CD247: variants seen among roughly 807,000 people sequenced by gnomAD.
CD247 encodes CD247 molecule.
CD247 carries 13 observed loss-of-function variants against 30.0 expected under a neutral mutation model. The ratio of observed to expected loss-of-function variants is 0.43; its 90% CI spans 0.28 to 0.69. CD247 has a LOEUF of 0.69. Among genes scored for constraint, CD247 ranks in the 30% least tolerant of loss-of-function variants. The pLI, the probability that CD247 is intolerant of heterozygous loss-of-function variation, is 0.16. For missense variants in CD247, 193 were observed against 212.6 expected (o/e 0.91, Z 0.57); for synonymous variants, 72 against 80.0 (o/e 0.90, Z 0.53).
chr1:167,480,053 C>CAT (rs1256147240), intron 1 of CD247, among the ~76,000 whole-genome samples: 3 of 152,184 alleles, frequency 2.0e-5, no homozygotes, highest in Admixed American at 6.5e-5. Context: ...ATGGCCACTG[C>CAT]ATATGGTCTG....
chr1:167,440,529 C>G, intron 2 of CD247, 135 bp downstream of exon 2: 2 of 698,592 alleles, frequency 2.9e-6, no homozygotes, highest in Middle Eastern at 3.7e-4. Flanking sequence ...ACACACTTGG[C>G]TGGTCCTTGC....
intron 1 of CD247, among the ~76,000 whole-genome samples, chr1:167,509,656 T>A (rs746092254): frequency 6.6e-6 from 1 of 152,202 alleles, no homozygotes; most frequent in Non-Finnish European, 1.5e-5. Context: ...TGGGAACGCC[T>A]CACTCTAGGG....
rs34500066 is a variant in CD247 at position 167,434,311 on chromosome 1, A to G, written c.337-235T>C. 3,273 of 589,080 alleles carry G rather than the reference A, an allele frequency of 5.6e-3. 13 individuals carry two copies. Among genetic ancestry groups the G allele is most frequent in the Non-Finnish European group, 7.6e-3 (2,517 of 329,610 alleles). 36.5% of individuals were successfully genotyped at this position (589,080 alleles called of 1,614,324 possible). A position where few individuals can be genotyped will look rare whatever the true frequency, so the allele number is the denominator to read the frequency against. Reference sequence around the variant, plus strand: ...CTCCTCCGAGCTGCCAGCTCTTTGCACTGAGCTGAGGGGCTCAAGTTAGGC... The same window carrying G: ...CTCCTCCGAGCTGCCAGCTCTTTGCGCTGAGCTGAGGGGCTCAAGTTAGGC... On this transcript the variant is annotated intron_variant, in intron 5 of 7. Coordinates refer to ENST00000362089, the MANE Select transcript of CD247 (RefSeq NM_198053.3).
At chr1:167,487,200 A>G (rs1654248081) in intron 1 of CD247, among the ~76,000 whole-genome samples, 1 of 150,986 alleles carries the variant, frequency 6.6e-6, no homozygotes, top group Non-Finnish European at 1.5e-5. Flanking sequence ...AAGATGGTGC[A>G]ACCCCATCTC....
intron 1 of CD247, among the ~76,000 whole-genome samples, chr1:167,489,054 GT>G (rs1247134117): frequency 6.6e-5 from 10 of 151,978 alleles, no homozygotes; most frequent in Non-Finnish European, 1.5e-4. Context: ...CGAGAAGCAC[GT>G]AATGGATTTG....
intron 1 of CD247, among the ~76,000 whole-genome samples, chr1:167,496,865 G>A (rs1654709468): frequency 6.6e-6 from 1 of 152,196 alleles, no homozygotes; most frequent in Non-Finnish European, 1.5e-5. Context: ...ATCTCCATCA[G>A]AAGGAGATAG....
At chr1:167,447,124 T>C (rs1162356110) in intron 1 of CD247, among the ~76,000 whole-genome samples, 2 of 152,248 alleles carry the variant, frequency 1.3e-5, no homozygotes, top group African/African-American at 4.8e-5. Flanking sequence ...GCATGAAGCA[T>C]ACAGTTTAGA....
intron 1 of CD247, among the ~76,000 whole-genome samples, chr1:167,476,662 A>G (rs1653761027): frequency 6.6e-6 from 1 of 152,186 alleles, no homozygotes; most frequent in South Asian, 2.1e-4. Flanking sequence ...ATCTCTACAA[A>G]AAAATAGAAA....
At chr1:167,498,034 G>T (rs1240883410) in intron 1 of CD247, among the ~76,000 whole-genome samples, 1 of 152,202 alleles carries the variant, frequency 6.6e-6, no homozygotes, top group Non-Finnish European at 1.5e-5. Flanking sequence ...AGATCTTGCT[G>T]TAGATGGGTG....
At chr1:167,503,574 A>G (rs750959205) in intron 1 of CD247, among the ~76,000 whole-genome samples, 1 of 152,266 alleles carries the variant, frequency 6.6e-6, no homozygotes, top group East Asian at 1.9e-4. Flanking sequence ...CAGTGCACTT[A>G]AACTACTGTT....
At chr1:167,505,985 G>A (rs569790254) in intron 1 of CD247, among the ~76,000 whole-genome samples, 1 of 152,314 alleles carries the variant, frequency 6.6e-6, no homozygotes, top group Admixed American at 6.5e-5. Context: ...GGCAGCTAGA[G>A]CAAGAATCAA....
chr1:167,445,126 A>G (rs999460796), intron 1 of CD247, among the ~76,000 whole-genome samples: 9 of 152,086 alleles, frequency 5.9e-5, no homozygotes, highest in African/African-American at 2.2e-4. Context: ...GGGTTTTGCC[A>G]TGTTGGTCAG....
rs1351736538 is a variant in CD247 at position 167,431,640 on chromosome 1, G to A, written c.*41C>T. Reference sequence around the variant, plus strand: ...TCATCCTGTGTCTCATAATCTGGGCGTCTGCAGGTCTGGCCTTTGAGTGGT... The same window carrying A: ...TCATCCTGTGTCTCATAATCTGGGCATCTGCAGGTCTGGCCTTTGAGTGGT... On this transcript the variant is annotated 3_prime_UTR_variant, in exon 8 of 8. Coordinates refer to ENST00000362089, the MANE Select transcript of CD247 (RefSeq NM_198053.3). The A allele has an allele frequency of 1.3e-5, 19 of 1,511,844 alleles. No homozygotes were observed. Among genetic ancestry groups the A allele is most frequent in the African/African-American group, 2.7e-5 (2 of 73,002 alleles). The allele number at this position is 1,511,844 out of a possible 1,614,324, so 93.7% of individuals were successfully genotyped here.
At chr1:167,466,464 C>A (rs1427348078) in intron 1 of CD247, among the ~76,000 whole-genome samples, 1 of 151,658 alleles carries the variant, frequency 6.6e-6, no homozygotes, top group African/African-American at 2.4e-5. Context: ...GGGAAATTTC[C>A]ATTTTGAGAT....
chr1:167,469,093 A>G (rs565463347), intron 1 of CD247, among the ~76,000 whole-genome samples: 2 of 152,148 alleles, frequency 1.3e-5, no homozygotes, highest in Admixed American at 1.3e-4. Flanking sequence ...AGTGATTCTC[A>G]TGCCTCAGCC....
chr1:167,445,533 T>C (rs1007778366), intron 1 of CD247, among the ~76,000 whole-genome samples: 3 of 72,864 alleles, frequency 4.1e-5, no homozygotes, highest in African/African-American at 1.0e-4. Flanking sequence ...TTTGTAGCCT[T>C]TTGTCATCTT....
chr1:167,487,865 G>C (rs1654280307), intron 1 of CD247, among the ~76,000 whole-genome samples: 1 of 152,084 alleles, frequency 6.6e-6, no homozygotes. Context: ...TGAGTAGCTG[G>C]GATTACAAGT....
At chr1:167,497,545 A>G (rs1184258244) in intron 1 of CD247, among the ~76,000 whole-genome samples, 1 of 152,142 alleles carries the variant, frequency 6.6e-6, no homozygotes, top group Non-Finnish European at 1.5e-5. Flanking sequence ...TACTACTTTC[A>G]GGGGGAGCAT....
In CD247 at chr1:167,494,879, T is replaced by C. The variant is rs1476640473; in HGVS notation, c.58+23529A>G. On this transcript the variant is annotated intron_variant, in intron 1 of 7. Transcript: ENST00000362089. The surrounding 1 kb of genome is among the most constrained non-coding windows in gnomAD (Gnocchi z 7.3). ...TTAGAGACCTATTCCAGGACTTTAC[T>C]CTACAGCAAAGCAGTCCGGGTTCCA... 2.6e-5 allele frequency among the ~76,000 whole-genome samples: 4 copies of C among 152,166 alleles called. No individual in the cohort carries two copies. The highest frequency in any genetic ancestry group is 7.2e-5 in the African/African-American group (3 of 41,416).
Sources: gnomAD v4.1 joint callset for allele counts (sites outside exome capture counted in the v4.1 genomes callset) on GRCh38, gnomAD v4.1.1 for gene constraint, Gnocchi (gnomAD v3.1) non-coding constraint, MANE v1.5 for transcripts, NCBI Gene and HGNC (gene_info 2026-07-23, HGNC 2026-07-21) for gene names.